FGF13: variants seen among roughly 807,000 people sequenced by gnomAD.
FGF13 encodes the protein fibroblast growth factor homologous factor 2.
Under a neutral mutation model 19.5 loss-of-function variants are expected in FGF13, and 2 were observed. The observed-to-expected ratio is 0.10, with a 90% confidence interval of 0.04 to 0.32. The LOEUF is 0.32. FGF13 is among the 10% of genes least tolerant of loss of function. FGF13 has a pLI of 1.00. For missense variants in FGF13, 113 were observed against 192.7 expected, an observed-to-expected ratio of 0.59 and a Z score of 2.45; for synonymous variants, 72 against 76.9, an observed-to-expected ratio of 0.94 and a Z score of 0.33.
intron 1 of FGF13, among the ~76,000 whole-genome samples, chrX:139,122,086 T>C (rs987838158): frequency 3.6e-5 from 4 of 111,277 alleles, no homozygotes; most frequent in Admixed American, 2.9e-4. Context: ...AGGCTTTGTA[T>C]TGCTTGGTTT....
intron 3 of FGF13, among the ~76,000 whole-genome samples, chrX:138,811,045 T>C (rs764828162): frequency 1.6e-3 from 176 of 111,854 alleles, no homozygotes; most frequent in African/African-American, 5.5e-3. Flanking sequence ...GGCGATTCCT[T>C]AAGGATCTAG....
rs2091735506 is a variant in FGF13 at position 138,937,218 on chromosome X, C to CA, written c.-112-72569dup. Among the ~76,000 whole-genome samples, 3 of 111,600 alleles carry CA rather than the reference C, an allele frequency of 2.7e-5. No individual in the cohort carries two copies. In the South Asian group the frequency reaches 1.1e-3, roughly 42 times the overall value. On this transcript the variant is annotated intron_variant, in intron 1 of 2. Coordinates refer to the FGF13 transcript ENST00000421460. ...ATTCAGCTCACTAGGGCTAGAGTTA[C>CA]ACAGTATGTTGAGAACGAAAGACCC...
At chrX:138,930,175 AAAATATAT>A (rs760669833) in intron 1 of FGF13, among the ~76,000 whole-genome samples, 83 of 111,592 alleles carry the variant, frequency 7.4e-4, no homozygotes, top group Non-Finnish European at 1.4e-3. Flanking sequence ...AAGTCTGAAA[AAAATATAT>A]AACTTGTTCA....
chrX:139,040,547 A>G (rs2092265827), intron 1 of FGF13, among the ~76,000 whole-genome samples: 1 of 111,418 alleles, frequency 9.0e-6, no homozygotes, highest in South Asian at 3.7e-4. Flanking sequence ...AAAGTCAAAA[A>G]ACAACAGATG....
At chrX:138,926,206 G>A (rs2091673173) in intron 1 of FGF13, among the ~76,000 whole-genome samples, 1 of 111,693 alleles carries the variant, frequency 9.0e-6, no homozygotes, top group Admixed American at 9.5e-5. Flanking sequence ...AAAATCTGAA[G>A]ATCCTCTTTA....
intron 3 of FGF13, among the ~76,000 whole-genome samples, chrX:138,768,726 T>TTATATATATATCATATATATATA (rs2090522224): frequency 1.0e-5 from 1 of 97,892 alleles, no homozygotes; most frequent in African/African-American, 4.1e-5. Flanking sequence ...TAAGTATATA[T>TTATATATATATCATATATATATA]TATATATATA....
At chrX:138,781,634 A>C (rs2090643853) in intron 3 of FGF13, among the ~76,000 whole-genome samples, 1 of 111,650 alleles carries the variant, frequency 9.0e-6, no homozygotes, top group Non-Finnish European at 1.9e-5. Flanking sequence ...TTGAATCTCC[A>C]ATAACAGGAT....
intron 1 of FGF13, among the ~76,000 whole-genome samples, chrX:138,958,945 C>T (rs1406601581): frequency 3.6e-5 from 4 of 110,991 alleles, no homozygotes; most frequent in Non-Finnish European, 7.6e-5. Flanking sequence ...GTGATCTATC[C>T]GTTTTGTTGA....
At chrX:138,808,157 C>T (rs1421746116) in intron 3 of FGF13, among the ~76,000 whole-genome samples, 17 of 111,911 alleles carry the variant, frequency 1.5e-4, no homozygotes, top group Admixed American at 5.7e-4. Flanking sequence ...CGCACCACAT[C>T]GCACTTATTC....
At chrX:139,094,663 A>G (rs1176559741) in intron 1 of FGF13, among the ~76,000 whole-genome samples, 1 of 112,708 alleles carries the variant, frequency 8.9e-6, no homozygotes, top group Non-Finnish European at 1.9e-5. Context: ...GGACTAACTG[A>G]AAATAAAGAA....
intron 1 of FGF13, among the ~76,000 whole-genome samples, chrX:139,092,528 T>C (rs1350826016): frequency 8.9e-6 from 1 of 112,328 alleles, no homozygotes; most frequent in Non-Finnish European, 1.9e-5. Context: ...CTGTGACCAC[T>C]GCTTTTCTGG....
intron 1 of FGF13, among the ~76,000 whole-genome samples, chrX:138,928,936 A>G (rs974128919): frequency 8.9e-6 from 1 of 111,954 alleles, no homozygotes; most frequent in Non-Finnish European, 1.9e-5. Flanking sequence ...TGTTTACCAA[A>G]CACATGTGTT....
chrX:138,772,888 T>C (rs1032886201), intron 3 of FGF13, among the ~76,000 whole-genome samples: 3 of 110,676 alleles, frequency 2.7e-5, no homozygotes, highest in African/African-American at 9.9e-5. Flanking sequence ...CAAGTATCAT[T>C]CATTGAGTCT....
intron 1 of FGF13, among the ~76,000 whole-genome samples, chrX:138,964,028 A>C (rs1032780914): frequency 1.8e-5 from 2 of 111,735 alleles, no homozygotes; most frequent in African/African-American, 6.5e-5. Context: ...GGCAACTGTA[A>C]ATTTTTCTTC....
intron 1 of FGF13, among the ~76,000 whole-genome samples, chrX:138,960,610 A>C (rs371853343): frequency 8.9e-5 from 10 of 111,849 alleles, no homozygotes; most frequent in African/African-American, 2.9e-4. Context: ...GTGTTTTCCA[A>C]CTTCGTTCCA....
chrX:139,069,685 C>G (rs1003114856), intron 1 of FGF13, among the ~76,000 whole-genome samples: 1 of 111,811 alleles, frequency 8.9e-6, no homozygotes. Context: ...CAATCCTAAG[C>G]CAAAAGAACA....
intron 1 of FGF13, among the ~76,000 whole-genome samples, chrX:139,115,361 G>A (rs776368398): frequency 9.8e-5 from 11 of 112,090 alleles, no homozygotes; most frequent in Non-Finnish European, 2.1e-4. Context: ...TTTTCTAACT[G>A]ATATGTAAAA....
At chrX:138,899,522 T>G (rs935895321) in intron 1 of FGF13, among the ~76,000 whole-genome samples, 2 of 111,003 alleles carry the variant, frequency 1.8e-5, no homozygotes, top group African/African-American at 6.6e-5. Context: ...CTTGCCAAAG[T>G]TGACATTCTT....
rs2089052530 is a variant in FGF13, at chrX:138,625,490, T to C, written c.*7360A>G. 1 of 90,517 alleles carries C rather than the reference T, an allele frequency of 1.1e-5. No individual in the cohort carries two copies. The highest frequency in any genetic ancestry group is 4.4e-4 in the South Asian group (1 of 2,260). 7.5% of individuals were successfully genotyped at this position (90,517 alleles called of 1,213,427 possible). ...TATATACATATATATATATAATATA[T>C]ATATATACATATATATATATAATAT... On this transcript the variant is annotated 3_prime_UTR_variant, in exon 5 of 5. Coordinates refer to ENST00000315930, the MANE Select transcript of FGF13 (RefSeq NM_004114.5).
Sources: allele counts gnomAD v4.1 joint callset (sites outside exome capture counted in the v4.1 genomes callset), GRCh38; gene constraint gnomAD v4.1.1; transcripts MANE v1.5; gene names NCBI Gene and HGNC (gene_info 2026-07-23, HGNC 2026-07-21).